PDCD11: variants seen among roughly 807,000 people sequenced by gnomAD.
The protein encoded by PDCD11 is protein RRP5 homolog.
Under a neutral mutation model 198.9 loss-of-function variants are expected in PDCD11, and 97 were observed. The observed-to-expected ratio is 0.49, with a 90% CI of 0.41 to 0.58. The LOEUF is 0.58. Among genes scored for constraint, PDCD11 ranks in the 20% least tolerant of loss-of-function variants. PDCD11 has a pLI of 0.00. For missense variants in PDCD11, 2,102 were observed against 2,312.7 expected (o/e 0.91, Z 1.87); for synonymous variants, 893 against 918.0 (o/e 0.97, Z 0.49).
chr10:103,422,277 C>T (rs549478566), intron 17 of PDCD11, among the ~76,000 whole-genome samples: 34 of 151,672 alleles, frequency 2.2e-4, no homozygotes, highest in Non-Finnish European at 3.2e-4. Context: ...GACAGGGTTT[C>T]GCCATGTTGG....
intron 25 of PDCD11, among the ~76,000 whole-genome samples, chr10:103,435,664 C>T (rs1345185055): frequency 6.6e-6 from 1 of 152,170 alleles, no homozygotes; most frequent in Non-Finnish European, 1.5e-5. Flanking sequence ...AGGCATGCGC[C>T]ATGACGCCTG....
At chr10:103,429,232 C>T (rs1335218902) in intron 21 of PDCD11, among the ~76,000 whole-genome samples, 2 of 152,106 alleles carry the variant, frequency 1.3e-5, no homozygotes, top group Non-Finnish European at 2.9e-5. Context: ...GAGACAAGGC[C>T]ATTCAGGAGT....
chr10:103,445,302 C>A, intron 35 of PDCD11, 76 bp from the exon 36 acceptor site: 3 of 1,394,368 alleles, frequency 2.2e-6, no homozygotes, highest in Non-Finnish European at 3.0e-6. Flanking sequence ...GGGCTGAGAG[C>A]AAGTGGGTGA....
At position 103,398,449 on chromosome 10, in the gene PDCD11, T is replaced by TC; in HGVS notation, c.28dup (p.Arg10ProfsTer19). 1 of 1,613,836 alleles carries TC rather than the reference T, an allele frequency of 6.2e-7. No individual in the cohort carries two copies. Among genetic ancestry groups the TC allele is most frequent in the Non-Finnish European group, 8.5e-7 (1 of 1,179,788 alleles). On this transcript the variant is annotated frameshift_variant, in exon 2 of 36. Transcript: ENST00000369797. LOFTEE classifies it high-confidence loss of function. The stretch of plus-strand genomic sequence containing the variant: ...AACATGGCAAACCTGGAAGAAAGCT[T>TC]CCCCCGAGGAGGTACAAGAAAGATC...
In PDCD11 at chr10:103,403,298, C is replaced by T. The variant is rs774118714; in HGVS notation, c.402+13C>T. ...ACAACCTCTGAAGGTAAGGGAAATC[C>T]GAATGAAGCCTGTTATTGAAAATAA... On this transcript the variant is annotated intron_variant, in intron 4 of 35. Coordinates refer to ENST00000369797, the MANE Select transcript of PDCD11 (RefSeq NM_014976.2). 2.1e-5 allele frequency: 33 copies of T among 1,602,984 alleles called. No individual in the cohort carries two copies. The highest frequency in any genetic ancestry group is 1.7e-4 in the Middle Eastern group (1 of 6,028).
In PDCD11 at chr10:103,434,892, G is replaced by A; in HGVS notation, c.3762G>A (p.Lys1254=). ...TGACCGTCTCCTTCCCCTTTGGGAA[G>A]ATAGGAACAGTCAGTATATTTCACA... The part of the protein sequence containing the change: ...EGLTVSFPFG[K]IGTVSIFHMS... Residue 1254 remains lysine, a synonymous_variant, in exon 25 of 36, where the codon AAG becomes AAA. Coordinates refer to ENST00000369797, the MANE Select transcript of PDCD11 (RefSeq NM_014976.2). The A allele has an allele frequency of 1.2e-6, 2 of 1,612,968 alleles. No individual in the cohort carries two copies. Among genetic ancestry groups the A allele is most frequent in the African/African-American group, 1.3e-5 (1 of 74,904 alleles).
At chr10:103,405,224 TTC>T (rs1262836037) in intron 5 of PDCD11, 41 bp downstream of exon 5, 3 of 1,602,708 alleles carry the variant, frequency 1.9e-6, no homozygotes, top group Non-Finnish European at 2.6e-6. Context: ...GCAATGTGCC[TTC>T]TCTCTGCCTC....
intron 10 of PDCD11, 53 bp from the exon 11 acceptor site, chr10:103,414,217 T>G: frequency 6.3e-7 from 1 of 1,588,180 alleles, no homozygotes; most frequent in Non-Finnish European, 8.6e-7. Context: ...GCCCTGAATT[T>G]TAGGCAACCT....
At chr10:103,426,105 TGA>T (rs1564770412) in intron 20 of PDCD11, among the ~76,000 whole-genome samples, 1 of 152,196 alleles carries the variant, frequency 6.6e-6, no homozygotes, top group Non-Finnish European at 1.5e-5. Flanking sequence ...ATTTGTAACG[TGA>T]GAGTCATGGT....
Position 103,406,807 on chromosome 10 carries a change from C to T in PDCD11, c.870+17C>T. 1 of 1,556,228 alleles carries T rather than the reference C, an allele frequency of 6.4e-7. No homozygotes were observed. The highest frequency in any genetic ancestry group is 8.7e-7 in the Non-Finnish European group (1 of 1,149,530). Reference sequence around the variant, plus strand: ...GTACAGAAGGTAAGCTGTTATGCTACTACTACTTTTTAAAATAAAAATAAT... The same window carrying T: ...GTACAGAAGGTAAGCTGTTATGCTATTACTACTTTTTAAAATAAAAATAAT... On this transcript the variant is annotated intron_variant, in intron 7 of 35. Transcript: ENST00000369797.
At position 103,423,038 on chromosome 10, in the gene PDCD11, G is replaced by A. The variant is rs144250771; in HGVS notation, c.2548G>A (p.Asp850Asn). Residue 850 changes from aspartate to asparagine, a missense_variant, in exon 18 of 36, where the codon GAC becomes AAC. Coordinates refer to ENST00000369797, the MANE Select transcript of PDCD11 (RefSeq NM_014976.2). ...LAEMTPGMFL[D>N]LVVQEVLEDG... The stretch of plus-strand genomic sequence containing the variant: ...CGAGATGACCCCAGGAATGTTCCTT[G>A]ACCTAGTGGTGCAGGAGGTGTTGGA... The A allele has an allele frequency of 1.2e-4, 199 of 1,604,480 alleles. No individual in the cohort carries two copies. Among genetic ancestry groups the A allele is most frequent in the Non-Finnish European group, 1.7e-4 (194 of 1,175,110 alleles).
chr10:103,409,916 A>G (rs1202423624), intron 8 of PDCD11, 110 bp downstream of exon 8: 4 of 768,448 alleles, frequency 5.2e-6, no homozygotes, highest in Middle Eastern at 2.3e-4. Flanking sequence ...ACAGGTGTGC[A>G]GAGAGGAGAT....
intron 7 of PDCD11, among the ~76,000 whole-genome samples, chr10:103,407,201 C>G (rs948686324): frequency 6.6e-6 from 1 of 152,122 alleles, no homozygotes; most frequent in African/African-American, 2.4e-5. Flanking sequence ...GAGTAATAAG[C>G]TTCTGCTGGT....
chr10:103,405,266 C>CT, intron 5 of PDCD11, 83 bp downstream of exon 5: 1 of 1,369,668 alleles, frequency 7.3e-7, no homozygotes, highest in Non-Finnish European at 1.0e-6. Flanking sequence ...CCACCTTTTA[C>CT]TTTCAGCTCA....
intron 6 of PDCD11, 47 bp downstream of exon 6, chr10:103,406,155 G>A: frequency 6.3e-7 from 1 of 1,598,822 alleles, no homozygotes; most frequent in Admixed American, 1.7e-5. Flanking sequence ...GGTGGTACAT[G>A]TGGGGATTAT....
At chr10:103,443,436 C>A (rs79478408) in intron 33 of PDCD11, 103 bp downstream of exon 33, 16,635 of 1,058,102 alleles carry the variant, frequency 0.016, 153 homozygotes, top group African/African-American at 0.024. Flanking sequence ...AGCTTGCCAC[C>A]CAACATCGGG....
Position 103,423,626 on chromosome 10 carries a change from C to T in PDCD11, c.2731C>T (p.His911Tyr). Residue 911 changes from histidine (H) to tyrosine (Y), a missense_variant, in exon 19 of 36, where the codon CAC becomes TAC. By Grantham distance (83) the His-to-Tyr change is moderately conservative (BLOSUM62 2). Transcript: ENST00000369797. ...LLKLEVHVSL[H>Y]QDLVNRKARK... ...GAAGTTGGAAGTGCACGTTTCCCTT[C>T]ACCAGGACTTGGTGAATAGAAAAGC... 4 of 1,613,274 alleles carry T rather than the reference C, an allele frequency of 2.5e-6. No homozygotes were observed. Among genetic ancestry groups the T allele is most frequent in the Non-Finnish European group, 3.4e-6 (4 of 1,179,182 alleles).
In PDCD11 at chr10:103,434,889, G is replaced by A. The variant is rs1269985202; in HGVS notation, c.3759G>A (p.Gly1253=). 2 of 1,613,104 alleles carry A rather than the reference G, an allele frequency of 1.2e-6. No homozygotes were observed. Among genetic ancestry groups the A allele is most frequent in the Non-Finnish European group, 8.5e-7 (1 of 1,179,598 alleles). ...NEGLTVSFPF[G]KIGTVSIFHM... ...GGCTGACCGTCTCCTTCCCCTTTGGGAAGATAGGAACAGTCAGTATATTTC... is the reference window on the plus strand; with the variant it reads ...GGCTGACCGTCTCCTTCCCCTTTGGAAAGATAGGAACAGTCAGTATATTTC... Residue 1253 remains glycine, a synonymous_variant, in exon 25 of 36, where the codon GGG becomes GGA. Transcript: ENST00000369797.
chr10:103,423,809 C>G, intron 19 of PDCD11, 151 bp downstream of exon 19: 3 of 630,344 alleles, frequency 4.8e-6, no homozygotes, highest in Non-Finnish European at 8.5e-6. Context: ...ACCTCTTGTC[C>G]TGGTGTGGTT....
Sources: gnomAD v4.1 joint callset for allele counts (sites outside exome capture counted in the v4.1 genomes callset) on GRCh38, gnomAD v4.1.1 for gene constraint, MANE v1.5 for transcripts, NCBI Gene and HGNC (gene_info 2026-07-23, HGNC 2026-07-21) for gene names.